The following SETD3 variants were observed in gnomAD, a reference collection of about 807,000 sequenced individuals.
The protein encoded by SETD3 is SET domain containing 3, actin N3(tau)-histidine methyltransferase.
Under a neutral mutation model 63.0 loss-of-function variants are expected in SETD3, and 19 were observed. The ratio of observed to expected loss-of-function variants is 0.30; its 90% confidence interval spans 0.21 to 0.44. The LOEUF (loss-of-function observed/expected upper bound fraction) is 0.44, where lower values mean the gene tolerates loss of function less well. SETD3 is among the 20% of genes least tolerant of loss of function. The probability of loss-of-function intolerance (pLI) is 1.00; values close to 1 mark genes in which losing one functional copy is unlikely to be tolerated. For missense variants in SETD3, 587 were observed against 728.5 expected, an observed-to-expected ratio of 0.81 and a Z score of 2.24; for synonymous variants, 286 against 264.1, an observed-to-expected ratio of 1.08 and a Z score of -0.80.
At chr14:99,453,547 A>G (rs1241247915) in intron 6 of SETD3, among the ~76,000 whole-genome samples, 1 of 152,108 alleles carries the variant, frequency 6.6e-6, no homozygotes, top group Non-Finnish European at 1.5e-5. Context: ...ATGATTGGCC[A>G]GGCGCGGTGG....
chr14:99,414,036 CAA>C, intron 6 of SETD3, 102 bp from the exon 7 acceptor site: 1 of 1,118,424 alleles, frequency 8.9e-7, no homozygotes, highest in Non-Finnish European at 1.4e-6. Context: ...CAGATCCTAA[CAA>C]GAGCCAAATG....
At chr14:99,449,692 G>A (rs540408565) in intron 6 of SETD3, among the ~76,000 whole-genome samples, 4 of 152,332 alleles carry the variant, frequency 2.6e-5, no homozygotes, top group South Asian at 2.1e-4. Flanking sequence ...ATTAATGCCA[G>A]GACAACACTG....
intron 6 of SETD3, among the ~76,000 whole-genome samples, chr14:99,437,576 T>C (rs1414181521): frequency 6.6e-6 from 1 of 152,200 alleles, no homozygotes; most frequent in African/African-American, 2.4e-5. Context: ...TCAGTGGTGC[T>C]TGATAACAGG....
chr14:99,463,967 T>C (rs1248080720), intron 2 of SETD3, among the ~76,000 whole-genome samples: 1 of 152,198 alleles, frequency 6.6e-6, no homozygotes, highest in Non-Finnish European at 1.5e-5. Flanking sequence ...AAGAAGTTAA[T>C]AGTAAAAGTT....
intron 11 of SETD3, among the ~76,000 whole-genome samples, chr14:99,402,819 CTG>C (rs1236946307): frequency 6.6e-6 from 1 of 152,228 alleles, no homozygotes; most frequent in African/African-American, 2.4e-5. Context: ...GGGATTAAAA[CTG>C]AGCATGTACC....
intron 6 of SETD3, among the ~76,000 whole-genome samples, chr14:99,425,242 G>T (rs1892818330): frequency 6.6e-6 from 1 of 152,240 alleles, no homozygotes. Flanking sequence ...AAGATGGTTA[G>T]CCAACTATCT....
At chr14:99,416,672 G>A (rs576945338) in intron 6 of SETD3, among the ~76,000 whole-genome samples, 2 of 152,238 alleles carry the variant, frequency 1.3e-5, no homozygotes, top group South Asian at 2.1e-4. Flanking sequence ...CAGCAGCAGC[G>A]GCAATGGGGT....
At chr14:99,426,509 T>G (rs1484147555) in intron 6 of SETD3, among the ~76,000 whole-genome samples, 2 of 152,122 alleles carry the variant, frequency 1.3e-5, no homozygotes, top group African/African-American at 4.8e-5. Context: ...AGCTGAGGCC[T>G]GAATGTGGGG....
intron 6 of SETD3, among the ~76,000 whole-genome samples, chr14:99,455,000 A>G (rs1183083189): frequency 6.6e-6 from 1 of 152,274 alleles, no homozygotes; most frequent in African/African-American, 2.4e-5. Flanking sequence ...TTTATCTTAC[A>G]GACTGGGAAA....
At chr14:99,403,280 G>A (rs762205770) in intron 11 of SETD3, among the ~76,000 whole-genome samples, 12 of 152,078 alleles carry the variant, frequency 7.9e-5, no homozygotes, top group Non-Finnish European at 1.8e-4. Flanking sequence ...CCCCCACATG[G>A]GCCATGACTG....
intron 6 of SETD3, among the ~76,000 whole-genome samples, chr14:99,438,430 T>C (rs572709896): frequency 6.6e-6 from 1 of 152,380 alleles, no homozygotes; most frequent in Admixed American, 6.5e-5. Flanking sequence ...GTCTCTGGTT[T>C]AGACAAGTTA....
rs1896273238 is a variant in SETD3 at position 99,480,830 on chromosome 14, G to GGCC, written c.-114_-112dup. ...CGGTGGCGGCGGTGGCGGCGGCGGC[G>GGCC]GCCGGACGGGAGGGGCGGGACGGCA... On this transcript the variant is annotated 5_prime_UTR_variant, in exon 1 of 13. Coordinates refer to ENST00000331768, the MANE Select transcript of SETD3 (RefSeq NM_032233.3). 1 of 162,120 alleles carries GGCC rather than the reference G, an allele frequency of 6.2e-6. No individual in the cohort carries two copies. Among genetic ancestry groups the GGCC allele is most frequent in the Non-Finnish European group, 1.3e-5 (1 of 76,742 alleles). 10.0% of individuals were successfully genotyped at this position (162,120 alleles called of 1,614,324 possible).
chr14:99,437,035 T>C (rs186845521), intron 6 of SETD3, among the ~76,000 whole-genome samples: 1 of 152,306 alleles, frequency 6.6e-6, no homozygotes, highest in East Asian at 1.9e-4. Flanking sequence ...ATAGTTCAGT[T>C]AGATATGAGA....
intron 1 of SETD3, among the ~76,000 whole-genome samples, chr14:99,472,072 C>T (rs533619205): frequency 6.6e-6 from 1 of 152,356 alleles, no homozygotes; most frequent in East Asian, 1.9e-4. Context: ...TATACGCAAG[C>T]TTGATTAAAC....
chr14:99,448,263 G>A (rs1379874262), intron 6 of SETD3, among the ~76,000 whole-genome samples: 1 of 152,168 alleles, frequency 6.6e-6, no homozygotes, highest in Non-Finnish European at 1.5e-5. Context: ...CCTGAGAAGA[G>A]AGCCGACACT....
chr14:99,460,214 T>A (rs1255740063), intron 4 of SETD3, among the ~76,000 whole-genome samples: 1 of 152,158 alleles, frequency 6.6e-6, no homozygotes, highest in African/African-American at 2.4e-5. Context: ...TTAACAGGTA[T>A]CTAATATACC....
At chr14:99,476,721 T>C (rs1388775051) in intron 1 of SETD3, among the ~76,000 whole-genome samples, 1 of 152,248 alleles carries the variant, frequency 6.6e-6, no homozygotes, top group African/African-American at 2.4e-5. Flanking sequence ...GTCTATTTTC[T>C]GAGACTGAAC....
chr14:99,463,646 A>C, intron 2 of SETD3, 68 bp from the exon 3 acceptor site: 1 of 1,302,712 alleles, frequency 7.7e-7, no homozygotes, highest in Non-Finnish European at 1.1e-6. Context: ...TCTGCACAAG[A>C]AAGAGGATTT....
At position 99,413,859 on chromosome 14, in the gene SETD3, T is replaced by G. The variant is rs768533693; in HGVS notation, c.734+17A>C. 2 of 1,613,606 alleles carry G rather than the reference T, an allele frequency of 1.2e-6. No homozygotes were observed. The highest frequency in any genetic ancestry group is 2.2e-5 in the South Asian group (2 of 91,080). On this transcript the variant is annotated intron_variant, in intron 7 of 12. Transcript: ENST00000331768. ...AACCACCCTCAATACACAGACACAC[T>G]CACAGCCCACACCAACCTGTAGTCC... is the stretch of plus-strand genomic sequence containing the variant.
Sources: gnomAD v4.1 joint callset for allele counts (sites outside exome capture counted in the v4.1 genomes callset) on GRCh38, gnomAD v4.1.1 for gene constraint, MANE v1.5 for transcripts, NCBI Gene and HGNC (gene_info 2026-07-23, HGNC 2026-07-21) for gene names.